CNTNAP3: variants seen among roughly 807,000 people sequenced by gnomAD.
CNTNAP3 encodes the protein contactin associated protein family member 3.
In CNTNAP3, 36 loss-of-function variants were observed where a neutral mutation model predicts 92.1. The ratio of observed to expected loss-of-function variants is 0.39; its 90% confidence interval spans 0.30 to 0.52. The LOEUF (loss-of-function observed/expected upper bound fraction) is 0.52. Ranked by LOEUF, CNTNAP3 falls within the 20% of genes least tolerant of loss-of-function variation. The pLI is 0.76. For missense variants in CNTNAP3, 534 were observed against 1,069.6 expected (o/e 0.50, Z 6.98); for synonymous variants, 232 against 422.3 (o/e 0.55, Z 5.53).
chr9:39,123,464 G>A (rs1005075091), intron 13 of CNTNAP3, among the ~76,000 whole-genome samples: 1 of 151,998 alleles, frequency 6.6e-6, no homozygotes, highest in Non-Finnish European at 1.5e-5. Flanking sequence ...AGAAGGAAGA[G>A]AGTGAGAACC....
chr9:39,105,382 A>C (rs10814795), intron 15 of CNTNAP3, among the ~76,000 whole-genome samples: 95 of 152,010 alleles, frequency 6.2e-4, no homozygotes, highest in East Asian at 7.7e-4. Context: ...AGGTGAGATC[A>C]TGCCACTGCA....
At chr9:39,079,514 G>C (rs1825879971) in intron 21 of CNTNAP3, among the ~76,000 whole-genome samples, 1 of 151,678 alleles carries the variant, frequency 6.6e-6, no homozygotes, top group African/African-American at 2.4e-5. Flanking sequence ...ATCAGCTGTT[G>C]CCTGCTAGTT....
Position 39,211,854 on chromosome 9 carries a change from CCCTTAT to C in CNTNAP3, c.391-18585_391-18580del, listed in dbSNP as rs1424307117. 3.0e-4 allele frequency among the ~76,000 whole-genome samples: 2 copies of C among 6,720 alleles called. 1 individual carries two copies. Among genetic ancestry groups the C allele is most frequent in the African/African-American group, 3.1e-4 (2 of 6,358 alleles). The allele number at this position is 6,720 out of a possible 152,430, so 4.4% of individuals were successfully genotyped here. ...CATTTCCTACCTTAATTCCACTTTT[CCCTTAT>C]CATTTTTTTGTTTGTTTGTTTGTTT... On this transcript the variant is annotated intron_variant, in intron 3 of 23. Coordinates refer to ENST00000297668, the MANE Select transcript of CNTNAP3 (RefSeq NM_033655.5).
At chr9:39,138,283 G>A (rs114090619) in intron 12 of CNTNAP3, among the ~76,000 whole-genome samples, 5,158 of 152,152 alleles carry the variant, frequency 0.034, 261 homozygotes, top group African/African-American at 0.11. Context: ...AAGGGGAAAG[G>A]TTCTATAGCC....
intron 9 of CNTNAP3, chr9:39,159,155 G>A (rs1822020830): frequency 2.0e-5 from 3 of 149,468 alleles, no homozygotes; most frequent in African/African-American, 7.4e-5. Context: ...AGGGGACTTT[G>A]GAATCCATAG....
chr9:39,103,734 G>A lies in CNTNAP3; in HGVS notation c.2536+10C>T, dbSNP rs1182067479. On this transcript the variant is annotated intron_variant, in intron 16 of 23. Transcript: ENST00000297668. Reference sequence around the variant, plus strand: ...GGTACCCTGTGACTTGTCCAGAGTGGCGAGCTTACCACGCAGCTCAATCCT... The same window carrying A: ...GGTACCCTGTGACTTGTCCAGAGTGACGAGCTTACCACGCAGCTCAATCCT... 6.2e-7 allele frequency: 1 copy of A among 1,609,574 alleles called. No individual in the cohort carries two copies. Among genetic ancestry groups the A allele is most frequent in the Admixed American group, 1.7e-5 (1 of 59,890 alleles).
chr9:39,100,364 T>C (rs1394914978), intron 17 of CNTNAP3, among the ~76,000 whole-genome samples: 6 of 152,170 alleles, frequency 3.9e-5, no homozygotes, highest in Admixed American at 3.3e-4. Flanking sequence ...CTTTCAAACA[T>C]GGTGAGTCTG....
At chr9:39,098,192 GA>G (rs946086837) in intron 18 of CNTNAP3, among the ~76,000 whole-genome samples, 14 of 145,926 alleles carry the variant, frequency 9.6e-5, no homozygotes, top group Non-Finnish European at 1.5e-5. Context: ...TTCTGAGAGA[GA>G]AAAGTTGAAG....
chr9:39,103,895 A>G lies in CNTNAP3; in HGVS notation c.2385T>C (p.Ala795=). 3.1e-6 allele frequency: 5 copies of G among 1,608,796 alleles called. No individual in the cohort carries two copies. The highest frequency in any genetic ancestry group is 4.5e-4 in the Middle Eastern group (2 of 4,414). The change falls in exon 16 of 24, where the codon GCT becomes GCC. Residue 795 remains alanine (A), a synonymous_variant. Coordinates refer to ENST00000297668, the MANE Select transcript of CNTNAP3 (RefSeq NM_033655.5). ...GGTATGAAGTCTCAGTGTTGAAGGA[A>G]GCTGAATTCCAGAATGACTCTGTTT... ...CRGDQSFWNS[A]SFNTETSYLH...
chr9:39,109,278 G>T lies in CNTNAP3; in HGVS notation c.2247C>A (p.Asp749Glu). The T allele has an allele frequency of 2.5e-6, 4 of 1,611,770 alleles. No individual in the cohort carries two copies. The highest frequency in any genetic ancestry group is 3.4e-6 in the Non-Finnish European group (4 of 1,179,694). ...GCTCCTTTTGGGAAAGGACTATTGTGTCACTAGTCCTAAAGAACAACAACC... is the reference window on the plus strand; with the variant it reads ...GCTCCTTTTGGGAAAGGACTATTGTTTCACTAGTCCTAAAGAACAACAACC... ...CDAGRNEWTS[D>E]TIVLSQKEHL... Residue 749 changes from aspartate (D) to glutamate (E), a missense_variant, in exon 15 of 24, where the codon GAC becomes GAA. Transcript: ENST00000297668.
rs1032676325 is a variant in CNTNAP3, at chr9:39,066,128, T to C, written c.*7762A>G. ...ATTATTGTGTAATATTGTAATATTA[T>C]CACTGTTTTTGTTACTCTAGCATTT... On this transcript the variant is annotated 3_prime_UTR_variant, in exon 24 of 24. Coordinates refer to ENST00000297668, the MANE Select transcript of CNTNAP3 (RefSeq NM_033655.5). Among the ~76,000 whole-genome samples, 1 of 152,244 alleles carries C rather than the reference T, an allele frequency of 6.6e-6. No homozygotes were observed. Among genetic ancestry groups the C allele is most frequent in the Non-Finnish European group, 1.5e-5 (1 of 68,034 alleles).
chr9:39,148,302 CA>C (rs1300910771), intron 10 of CNTNAP3, among the ~76,000 whole-genome samples: 7 of 152,164 alleles, frequency 4.6e-5, no homozygotes, highest in African/African-American at 1.4e-4. Flanking sequence ...AGAATGTTCA[CA>C]GGGGGAAATT....
chr9:39,132,681 TC>T (rs1821321305), intron 13 of CNTNAP3, among the ~76,000 whole-genome samples: 1 of 152,124 alleles, frequency 6.6e-6, no homozygotes, highest in Non-Finnish European at 1.5e-5. Context: ...CAGCAAAATT[TC>T]CCTTGATTAA....
rs1357003589 is a variant in CNTNAP3 at position 39,070,494 on chromosome 9, G to C, written c.*3396C>G. On this transcript the variant is annotated 3_prime_UTR_variant, in exon 24 of 24. Coordinates refer to ENST00000297668, the MANE Select transcript of CNTNAP3 (RefSeq NM_033655.5). ...CGGAATTCATGGATATAGAGTAGAA[G>C]GATGGTTAGTAAAGGCTGAAAAAAG... 2.1e-5 allele frequency among the ~76,000 whole-genome samples: 3 copies of C among 145,158 alleles called. No homozygotes were observed. The highest frequency in any genetic ancestry group is 7.9e-5 in the African/African-American group (3 of 38,170).
intron 18 of CNTNAP3, among the ~76,000 whole-genome samples, chr9:39,097,488 G>A (rs976921579): frequency 6.6e-6 from 1 of 152,000 alleles, no homozygotes; most frequent in Non-Finnish European, 1.5e-5. Context: ...AGGGCAATTG[G>A]GACACAGGAT....
rs371360217 is a variant in CNTNAP3 at position 39,154,683 on chromosome 9, CT to C, written c.1478-4707del. On this transcript the variant is annotated intron_variant, in intron 9 of 23. Transcript: ENST00000297668. ...GAGGATTCAAGACCTCAGTCATGGT[CT>C]TCCAAAGCAGCCATTCCTCCCCCAG... The C allele has an allele frequency of 1.1e-3, 146 of 132,498 alleles. 1 individual carries two copies. Among genetic ancestry groups the C allele is most frequent in the Middle Eastern group, 2.6e-3 (1 of 380 alleles). The allele number at this position is 132,498 out of a possible 1,614,324, so 8.2% of individuals were successfully genotyped here. A position where few individuals can be genotyped will look rare whatever the true frequency, so the allele number is the denominator to read the frequency against.
At chr9:39,120,634 C>T (rs1484802434) in intron 13 of CNTNAP3, among the ~76,000 whole-genome samples, 1 of 152,164 alleles carries the variant, frequency 6.6e-6, no homozygotes, top group Non-Finnish European at 1.5e-5. Context: ...TGTGCCACTG[C>T]ACTCCAACCT....
At chr9:39,085,917 A>G (rs1826052852) in intron 20 of CNTNAP3, 94 bp from the exon 21 acceptor site, 1 of 1,155,794 alleles carries the variant, frequency 8.7e-7, no homozygotes, top group East Asian at 2.4e-5. Flanking sequence ...AGATGAAAAT[A>G]AATCACTTTT....
chr9:39,090,759 G>GT (rs200321230), intron 18 of CNTNAP3, among the ~76,000 whole-genome samples: 27,788 of 147,490 alleles, frequency 0.19, no homozygotes, highest in East Asian at 0.3. Context: ...GATTGAAACT[G>GT]TACTGAATCT....
Sources: gnomAD v4.1 joint callset for allele counts (sites outside exome capture counted in the v4.1 genomes callset) on GRCh38, gnomAD v4.1.1 for gene constraint, MANE v1.5 for transcripts, NCBI Gene and HGNC (gene_info 2026-07-23, HGNC 2026-07-21) for gene names.